Variants in PLXNA2 observed in about 807,000 individuals in gnomAD.
PLXNA2 encodes plexin-A2.
In PLXNA2, 91 loss-of-function variants were observed where a neutral mutation model predicts 193.5. The ratio of observed to expected loss-of-function variants is 0.47; its 90% confidence interval spans 0.40 to 0.56. The LOEUF is 0.56. PLXNA2 is among the 20% of genes least tolerant of loss of function. The pLI, the probability that PLXNA2 is intolerant of heterozygous loss-of-function variation, is 0.00. For synonymous variants in PLXNA2, 997 were observed against 1,027.3 expected (o/e 0.97, Z 0.56); for missense variants, 1,995 against 2,503.2 (o/e 0.80, Z 4.33).
At chr1:208,183,373 C>G (rs1453740171) in intron 3 of PLXNA2, among the ~76,000 whole-genome samples, 1 of 152,210 alleles carries the variant, frequency 6.6e-6, no homozygotes, top group Non-Finnish European at 1.5e-5. Context: ...CTCTTTCTCC[C>G]TTAACCTTCC....
At chr1:208,192,612 TG>T (rs1670217616) in intron 3 of PLXNA2, among the ~76,000 whole-genome samples, 1 of 152,036 alleles carries the variant, frequency 6.6e-6, no homozygotes, top group Non-Finnish European at 1.5e-5. Flanking sequence ...ACAGGCCAGG[TG>T]CAGTGGCTCA....
At chr1:208,170,472 CCA>C (rs1300586605) in intron 3 of PLXNA2, among the ~76,000 whole-genome samples, 2 of 152,164 alleles carry the variant, frequency 1.3e-5, no homozygotes, top group Non-Finnish European at 2.9e-5. Flanking sequence ...GCACAGCCAC[CCA>C]CAGAGGCAGG....
At chr1:208,053,639 T>C (rs1665334878) in intron 14 of PLXNA2, among the ~76,000 whole-genome samples, 1 of 152,202 alleles carries the variant, frequency 6.6e-6, no homozygotes, top group South Asian at 2.1e-4. Context: ...CTGCTAGTGT[T>C]AATGCCTTTT....
intron 3 of PLXNA2, among the ~76,000 whole-genome samples, chr1:208,203,458 G>A (rs1670616476): frequency 6.6e-6 from 1 of 152,232 alleles, no homozygotes. Flanking sequence ...TGGACCTGCA[G>A]CTCCGGCTGT....
At chr1:208,231,148 G>C (rs996629027) in intron 1 of PLXNA2, among the ~76,000 whole-genome samples, 1 of 152,108 alleles carries the variant, frequency 6.6e-6, no homozygotes, top group South Asian at 2.1e-4. Flanking sequence ...GGAGAGTGAC[G>C]GGCGCAGTTT....
chr1:208,166,661 A>G (rs1362408426), intron 3 of PLXNA2, among the ~76,000 whole-genome samples: 4 of 152,228 alleles, frequency 2.6e-5, no homozygotes, highest in African/African-American at 9.6e-5. Flanking sequence ...GGGTGAGGAA[A>G]GGAAAATCAA....
At chr1:208,060,446 C>T (rs1001936804) in intron 13 of PLXNA2, among the ~76,000 whole-genome samples, 26 of 152,010 alleles carry the variant, frequency 1.7e-4, no homozygotes, top group Admixed American at 3.9e-4. Flanking sequence ...GAATGAGGGA[C>T]GGTCAGGGCC....
At position 208,157,882 on chromosome 1, in the gene PLXNA2, G is replaced by A. The variant is rs1319468082; in HGVS notation, c.1372-15419C>T. 2.6e-5 allele frequency among the ~76,000 whole-genome samples: 4 copies of A among 152,338 alleles called. No individual in the cohort carries two copies. The East Asian group carries it at 7.7e-4, about 29-fold the overall frequency. On this transcript the variant is annotated intron_variant, in intron 3 of 31. Coordinates refer to ENST00000367033, the MANE Select transcript of PLXNA2 (RefSeq NM_025179.4). ...AGAGATTCTTCTCATAGGAGAGAAG[G>A]CAAGACTGTTTGGCAGAAAGCCCCA... is the stretch of plus-strand genomic sequence containing the variant.
intron 1 of PLXNA2, among the ~76,000 whole-genome samples, chr1:208,234,127 G>A (rs76078172): frequency 1.3e-5 from 2 of 152,124 alleles, no homozygotes; most frequent in African/African-American, 4.8e-5. Flanking sequence ...CAGATCAAGA[G>A]AGTGTGGTGA....
intron 9 of PLXNA2, among the ~76,000 whole-genome samples, chr1:208,085,821 C>T (rs1011830363): frequency 3.3e-5 from 5 of 152,234 alleles, no homozygotes; most frequent in African/African-American, 1.2e-4. Context: ...GAGATGCCCT[C>T]TCCCTTACAG....
At chr1:208,184,811 C>T (rs1230904953) in intron 3 of PLXNA2, among the ~76,000 whole-genome samples, 1 of 152,132 alleles carries the variant, frequency 6.6e-6, no homozygotes, top group African/African-American at 2.4e-5. Context: ...ATCTTTAGCC[C>T]AATTTCTCAG....
At chr1:208,042,988 C>A in intron 21 of PLXNA2, 73 bp downstream of exon 21, 1 of 1,507,270 alleles carries the variant, frequency 6.6e-7, no homozygotes, top group Admixed American at 1.7e-5. Context: ...ACTGCTGAGT[C>A]TCATCTGGAT....
intron 3 of PLXNA2, among the ~76,000 whole-genome samples, chr1:208,167,729 A>G (rs987344878): frequency 1.1e-4 from 16 of 152,216 alleles, no homozygotes; most frequent in African/African-American, 3.6e-4. Flanking sequence ...AGCAGCCCGC[A>G]CGTGGTGCAT....
chr1:208,231,632 C>T (rs181590930), intron 1 of PLXNA2, among the ~76,000 whole-genome samples: 1 of 152,306 alleles, frequency 6.6e-6, no homozygotes, highest in East Asian at 1.9e-4. Flanking sequence ...AGTATTTGTG[C>T]AATGATTTTA....
intron 1 of PLXNA2, among the ~76,000 whole-genome samples, chr1:208,237,670 CCT>C (rs1165236503): frequency 6.6e-6 from 1 of 152,166 alleles, no homozygotes; most frequent in Non-Finnish European, 1.5e-5. Flanking sequence ...TTCTCCAGCA[CCT>C]CTGAGTCTCT....
chr1:208,232,995 C>T (rs1039162078), intron 1 of PLXNA2, among the ~76,000 whole-genome samples: 1 of 152,208 alleles, frequency 6.6e-6, no homozygotes, highest in African/African-American at 2.4e-5. Flanking sequence ...CCTTTCTGCT[C>T]TATGCAGGAA....
At chr1:208,237,416 G>T (rs140753850) in intron 1 of PLXNA2, among the ~76,000 whole-genome samples, 1 of 152,106 alleles carries the variant, frequency 6.6e-6, no homozygotes, top group Admixed American at 6.5e-5. Flanking sequence ...GCCTCTACAC[G>T]CCAGCTCCAG....
At chr1:208,141,184 A>AT (rs1668446538) in intron 4 of PLXNA2, among the ~76,000 whole-genome samples, 1 of 152,208 alleles carries the variant, frequency 6.6e-6, no homozygotes, top group African/African-American at 2.4e-5. Flanking sequence ...TCAAGAACTA[A>AT]TTTTCAACTC....
intron 1 of PLXNA2, among the ~76,000 whole-genome samples, chr1:208,219,709 C>G (rs1671259501): frequency 6.6e-6 from 1 of 152,192 alleles, no homozygotes; most frequent in African/African-American, 2.4e-5. Context: ...ACCGTGGTGC[C>G]ACAGTAGGTC....
Sources: allele counts gnomAD v4.1 joint callset (sites outside exome capture counted in the v4.1 genomes callset), GRCh38; gene constraint gnomAD v4.1.1; transcripts MANE v1.5; gene names NCBI Gene and HGNC (gene_info 2026-07-23, HGNC 2026-07-21).